The following CFAP299 variants were observed in gnomAD, a reference collection of about 807,000 sequenced individuals.
CFAP299 encodes the protein cilia and flagella associated protein 299.
CFAP299 carries 21 observed loss-of-function variants against 27.0 expected under a neutral mutation model. The ratio of observed to expected loss-of-function variants is 0.78; its 90% CI spans 0.55 to 1.12. The LOEUF is 1.12. CFAP299 is among the 50% of genes most tolerant of loss of function. The probability of loss-of-function intolerance (pLI) is 0.00; values close to 1 mark genes in which losing one functional copy is unlikely to be tolerated. For missense variants in CFAP299, 310 were observed against 276.6 expected, an observed-to-expected ratio of 1.12 and a Z score of -0.86; for synonymous variants, 104 against 98.1, an observed-to-expected ratio of 1.06 and a Z score of -0.36.
chr4:80,327,905 A>G, the CFAP299 span, among the ~76,000 whole-genome samples: 1 of 151,454 alleles, frequency 6.6e-6, no homozygotes. Context: ...AGTTACACTA[A>G]TAAGAACAGG....
chr4:80,722,254 C>A (rs1295341955), intron 3 of CFAP299, among the ~76,000 whole-genome samples: 1 of 151,684 alleles, frequency 6.6e-6, no homozygotes, highest in Admixed American at 6.6e-5. Context: ...CCTGTCTCTA[C>A]TAAAAATACA....
At chr4:80,844,572 A>C (rs954392775) in intron 3 of CFAP299, among the ~76,000 whole-genome samples, 1 of 152,050 alleles carries the variant, frequency 6.6e-6, no homozygotes, top group African/African-American at 2.4e-5. Flanking sequence ...TTGTCTGTTC[A>C]TATCCTTCGC....
At chr4:80,800,233 A>AT (rs370973281) in intron 3 of CFAP299, among the ~76,000 whole-genome samples, 47 of 58,424 alleles carry the variant, frequency 8.0e-4, no homozygotes, top group African/African-American at 2.0e-3. Context: ...ATATATAATA[A>AT]ATAATATAAT....
intron 3 of CFAP299, among the ~76,000 whole-genome samples, chr4:80,848,986 GAAC>G (rs1045152096): frequency 1.9e-4 from 29 of 152,010 alleles, no homozygotes; most frequent in Non-Finnish European, 5.9e-5. Flanking sequence ...TAAATTTATA[GAAC>G]AACATTTTTC....
chr4:80,787,099 G>A (rs777624531), intron 3 of CFAP299, among the ~76,000 whole-genome samples: 1 of 151,336 alleles, frequency 6.6e-6, no homozygotes, highest in Non-Finnish European at 1.5e-5. Flanking sequence ...GATACAGGAG[G>A]GAATAAGTGA....
chr4:80,689,820 T>C (rs1041635048), intron 3 of CFAP299, among the ~76,000 whole-genome samples: 4 of 151,970 alleles, frequency 2.6e-5, no homozygotes, highest in African/African-American at 9.7e-5. Context: ...GAGACACACA[T>C]AGGCTCAAAA....
intron 2 of CFAP299, among the ~76,000 whole-genome samples, chr4:80,450,608 G>A (rs1444881050): frequency 1.3e-5 from 2 of 151,902 alleles, no homozygotes; most frequent in Admixed American, 6.6e-5. Context: ...TTGCAGGAAA[G>A]CATACAAGAT....
chr4:80,787,965 C>T (rs1727339797), intron 3 of CFAP299, among the ~76,000 whole-genome samples: 1 of 151,864 alleles, frequency 6.6e-6, no homozygotes, highest in Admixed American at 6.6e-5. Flanking sequence ...TCTTTCTAAG[C>T]TACCGGTTCT....
intron 3 of CFAP299, among the ~76,000 whole-genome samples, chr4:80,738,827 C>A (rs1257662384): frequency 6.6e-6 from 1 of 151,702 alleles, no homozygotes; most frequent in Non-Finnish European, 1.5e-5. Context: ...TCCTTTCTTC[C>A]TGGTATTCCT....
chr4:80,352,760 A>G (rs1156310153), intron 1 of CFAP299, among the ~76,000 whole-genome samples: 4 of 152,176 alleles, frequency 2.6e-5, no homozygotes, highest in African/African-American at 9.7e-5. Flanking sequence ...AACTATAGGA[A>G]TATACCCCTC....
chr4:80,744,242 C>T (rs1200174131), intron 3 of CFAP299, among the ~76,000 whole-genome samples: 1 of 152,044 alleles, frequency 6.6e-6, no homozygotes, highest in East Asian at 1.9e-4. Context: ...GATGTGCTGC[C>T]ACTGCCTTTC....
At chr4:80,550,430 T>C (rs1015550048) in intron 2 of CFAP299, among the ~76,000 whole-genome samples, 7 of 152,122 alleles carry the variant, frequency 4.6e-5, no homozygotes, top group African/African-American at 1.7e-4. Context: ...TACACCTTTA[T>C]CTACATATGT....
At chr4:80,849,859 G>A (rs1731412972) in intron 3 of CFAP299, among the ~76,000 whole-genome samples, 1 of 152,088 alleles carries the variant, frequency 6.6e-6, no homozygotes, top group African/African-American at 2.4e-5. Context: ...AAAATAGGTA[G>A]AAGATTCTGA....
chr4:80,733,800 T>C (rs549102640), intron 3 of CFAP299, among the ~76,000 whole-genome samples: 1 of 152,278 alleles, frequency 6.6e-6, no homozygotes, highest in South Asian at 2.1e-4. Flanking sequence ...TAGAATCTTA[T>C]TGTTTTTTAT....
intron 3 of CFAP299, among the ~76,000 whole-genome samples, chr4:80,630,653 A>G (rs996792575): frequency 6.6e-6 from 1 of 152,090 alleles, no homozygotes; most frequent in African/African-American, 2.4e-5. Context: ...TGTGCTGTAT[A>G]TATGTTTAAT....
intron 3 of CFAP299, among the ~76,000 whole-genome samples, chr4:80,860,376 G>C (rs1578191673): frequency 6.6e-6 from 1 of 152,104 alleles, no homozygotes; most frequent in Non-Finnish European, 1.5e-5. Context: ...GTAGCTCGTA[G>C]TTTGATTGTC....
chr4:80,878,067 G>T (rs966604546), intron 4 of CFAP299, among the ~76,000 whole-genome samples: 25 of 151,942 alleles, frequency 1.6e-4, no homozygotes, highest in Admixed American at 1.0e-3. Context: ...CTAATGTTTA[G>T]CTCATATTTA....
At chr4:80,755,676 T>A (rs913661963) in intron 3 of CFAP299, among the ~76,000 whole-genome samples, 1 of 152,122 alleles carries the variant, frequency 6.6e-6, no homozygotes, top group Non-Finnish European at 1.5e-5. Context: ...TTCCCTTTTC[T>A]AAGTTGTAAT....
At chr4:80,643,249 T>C (rs1054453628) in intron 3 of CFAP299, among the ~76,000 whole-genome samples, 4 of 152,156 alleles carry the variant, frequency 2.6e-5, no homozygotes, top group Admixed American at 2.0e-4. Context: ...TACATTTGGC[T>C]AGATGGAAGT....
Sources: gnomAD v4.1 joint callset for allele counts (sites outside exome capture counted in the v4.1 genomes callset) on GRCh38, gnomAD v4.1.1 for gene constraint, MANE v1.5 for transcripts, NCBI Gene and HGNC (gene_info 2026-07-23, HGNC 2026-07-21) for gene names.